The following KIAA1755 variants were observed in gnomAD, a reference collection of about 807,000 sequenced individuals.
KIAA1755 encodes KIAA1755.
Under a neutral mutation model 91.7 loss-of-function variants are expected in KIAA1755, and 68 were observed. That is an observed-to-expected ratio of 0.74 (90% CI 0.61 to 0.91). The LOEUF is 0.91. KIAA1755 is among the 40% of genes least tolerant of loss of function. The pLI is 0.00. For synonymous variants in KIAA1755, 610 were observed against 604.6 expected (o/e 1.01, Z -0.13); for missense variants, 1,535 against 1,494.4 (o/e 1.03, Z -0.45).
In KIAA1755 at chr20:38,241,819, G is replaced by T; in HGVS notation, c.312C>A (p.Asp104Glu). The T allele has an allele frequency of 6.2e-7, 1 of 1,614,188 alleles. No homozygotes were observed. The highest frequency in any genetic ancestry group is 8.5e-7 in the Non-Finnish European group (1 of 1,180,018). Residue 104 changes from aspartate to glutamate, a missense_variant, in exon 3 of 14, where the codon GAC becomes GAA. Physicochemically the swap from Asp to Glu is conservative, Grantham distance 45. Transcript: ENST00000279024. ...PLNPLLLRQG[D>E]FYLQVEPQEE... ...CCTGGGGCTCCACTTGGAGGTAGAA[G>T]TCACCCTGGCGCAATAAGAGAGGGT...
At chr20:38,225,634 G>T in intron 8 of KIAA1755, 31 bp downstream of exon 8, 1 of 1,330,448 alleles carries the variant, frequency 7.5e-7, no homozygotes, top group Non-Finnish European at 1.1e-6. Flanking sequence ...AGGAGTGGGG[G>T]TCAGGGGCTA....
At chr20:38,239,504 C>T (rs1375176992) in intron 4 of KIAA1755, 24 bp downstream of exon 4, 16 of 1,611,350 alleles carry the variant, frequency 9.9e-6, no homozygotes, top group Middle Eastern at 1.8e-4. Flanking sequence ...CTCCCTACCA[C>T]CTCCTGCTTG....
intron 9 of KIAA1755, 57 bp downstream of exon 9, chr20:38,223,481 G>T: frequency 1.6e-6 from 2 of 1,235,868 alleles, no homozygotes; most frequent in Non-Finnish European, 2.2e-6. Flanking sequence ...CGAAGCCCTT[G>T]GTCCATGGGG....
chr20:38,216,847 C>A (rs977967974), intron 13 of KIAA1755: 1 of 478,912 alleles, frequency 2.1e-6, no homozygotes, highest in Non-Finnish European at 4.1e-6. Flanking sequence ...TCCCAACAAC[C>A]CCTCATCCTC....
intron 4 of KIAA1755, 77 bp downstream of exon 4, chr20:38,239,451 T>A: frequency 7.4e-7 from 1 of 1,348,136 alleles, no homozygotes; most frequent in Non-Finnish European, 1.1e-6. Context: ...CTGCCTCCCC[T>A]CCACCCAACA....
chr20:38,212,965 A>G lies in KIAA1755; in HGVS notation c.*77T>C. On this transcript the variant is annotated 3_prime_UTR_variant, in exon 14 of 14. Coordinates refer to ENST00000279024, the MANE Select transcript of KIAA1755 (RefSeq NM_001029864.2). ...TGGTGACGTCTCACTGGGACTGACCAGAGCTCCCAGCTACCCCTCCAGCTG... is the reference window on the plus strand; with the variant it reads ...TGGTGACGTCTCACTGGGACTGACCGGAGCTCCCAGCTACCCCTCCAGCTG... 8.7e-7 allele frequency: 1 copy of G among 1,149,892 alleles called. No homozygotes were observed. Among genetic ancestry groups the G allele is most frequent in the Non-Finnish European group, 1.2e-6 (1 of 817,422 alleles). 71.2% of individuals were successfully genotyped at this position (1,149,892 alleles called of 1,614,324 possible).
At chr20:38,240,549 C>T (rs753626214) in intron 3 of KIAA1755, 33 bp downstream of exon 3, 27 of 1,451,594 alleles carry the variant, frequency 1.9e-5, no homozygotes, top group Middle Eastern at 1.8e-4. Flanking sequence ...AGACAATAAC[C>T]TCCTTGTACA....
chr20:38,219,779 G>A lies in KIAA1755; in HGVS notation c.2418-11C>T, dbSNP rs2075624516. The A allele has an allele frequency of 4.3e-6, 7 of 1,613,950 alleles. No homozygotes were observed. Among genetic ancestry groups the A allele is most frequent in the Middle Eastern group, 3.3e-4 (2 of 6,058 alleles). On this transcript the variant is annotated splice_polypyrimidine_tract_variant and intron_variant, in intron 10 of 13. Transcript: ENST00000279024. ...GCAGCCAGATGGCTCCTGGGAGGTGGGCGGAGGTGAGAAAAGGCCTCTGTT... is the reference window on the plus strand; with the variant it reads ...GCAGCCAGATGGCTCCTGGGAGGTGAGCGGAGGTGAGAAAAGGCCTCTGTT...
intron 9 of KIAA1755, 74 bp downstream of exon 9, chr20:38,223,464 C>G (rs1056649822): frequency 1.0e-6 from 1 of 994,098 alleles, no homozygotes; most frequent in East Asian, 3.1e-5. Flanking sequence ...CCAGGCCGTC[C>G]CCTTCTCGAA....
Position 38,260,735 on chromosome 20 carries a change from T to G in KIAA1755, c.-235A>C. ...CTGAGGCTGGAGACGGCGAGAGACA[T>G]AAGGGAGCCGCGGGCGGCGCGGGTC... On this transcript the variant is annotated 5_prime_UTR_variant, in exon 1 of 14. An upstream start codon of the reference 5' UTR is lost. Transcript: ENST00000279024. 2 of 352,946 alleles carry G rather than the reference T, an allele frequency of 5.7e-6. No individual in the cohort carries two copies. Among genetic ancestry groups the G allele is most frequent in the Non-Finnish European group, 9.5e-6 (2 of 209,554 alleles). 21.9% of individuals were successfully genotyped at this position (352,946 alleles called of 1,614,324 possible).
rs780148076 is a variant in KIAA1755 at position 38,246,131 on chromosome 20, G to C, written c.4-5C>G. The C allele has an allele frequency of 6.2e-7, 1 of 1,611,562 alleles. No homozygotes were observed. ...TGTGTCGAGGGATGGAGGGTCCTGTGGGGGACAGGAGGAGGGGGTGATAAT... is the reference window on the plus strand; with the variant it reads ...TGTGTCGAGGGATGGAGGGTCCTGTCGGGGACAGGAGGAGGGGGTGATAAT... On this transcript the variant is annotated splice_polypyrimidine_tract_variant and splice_region_variant and intron_variant, in intron 1 of 13. Coordinates refer to ENST00000279024, the MANE Select transcript of KIAA1755 (RefSeq NM_001029864.2).
chr20:38,251,213 C>A (rs975615517), intron 1 of KIAA1755, among the ~76,000 whole-genome samples: 1 of 152,114 alleles, frequency 6.6e-6, no homozygotes, highest in African/African-American at 2.4e-5. Context: ...GGGTCTTCTC[C>A]CTCTCTTTCT....
At chr20:38,219,139 T>C (rs931643196) in intron 11 of KIAA1755, among the ~76,000 whole-genome samples, 4 of 152,114 alleles carry the variant, frequency 2.6e-5, no homozygotes, top group Admixed American at 2.6e-4. Flanking sequence ...CAGGGCTGTC[T>C]GATGCAGGAG....
Position 38,240,572 on chromosome 20 carries a change from G to T in KIAA1755, c.1549+10C>A, listed in dbSNP as rs766186662. Reference sequence around the variant, plus strand: ...ACCTCCTTGTACAGCTGAGCATGTGGGCATCTTACCTTTCCCCAAAGATTT... The same window carrying T: ...ACCTCCTTGTACAGCTGAGCATGTGTGCATCTTACCTTTCCCCAAAGATTT... On this transcript the variant is annotated intron_variant, in intron 3 of 13. Transcript: ENST00000279024. 1 of 1,483,082 alleles carries T rather than the reference G, an allele frequency of 6.7e-7. No homozygotes were observed. The highest frequency in any genetic ancestry group is 9.0e-7 in the Non-Finnish European group (1 of 1,115,980). The allele number at this position is 1,483,082 out of a possible 1,614,324, so 91.9% of individuals were successfully genotyped here. A position where few individuals can be genotyped will look rare whatever the true frequency, so the allele number is the denominator to read the frequency against.
chr20:38,226,022 T>C (rs2075751128), intron 7 of KIAA1755, among the ~76,000 whole-genome samples: 1 of 152,242 alleles, frequency 6.6e-6, no homozygotes, highest in Non-Finnish European at 1.5e-5. Flanking sequence ...CTCTCCTAGC[T>C]TGTGCCCAAG....
chr20:38,214,243 G>A (rs1030829074), intron 13 of KIAA1755, among the ~76,000 whole-genome samples: 4 of 152,252 alleles, frequency 2.6e-5, no homozygotes, highest in East Asian at 1.9e-4. Context: ...GACCCACTGC[G>A]CCCAGCCCAT....
intron 1 of KIAA1755, among the ~76,000 whole-genome samples, chr20:38,259,709 C>T (rs1862714264): frequency 6.6e-6 from 1 of 151,738 alleles, no homozygotes; most frequent in Non-Finnish European, 1.5e-5. Context: ...GTGAATCTGC[C>T]TGGGGCTCTT....
chr20:38,226,947 T>C (rs1008087709), intron 7 of KIAA1755, among the ~76,000 whole-genome samples: 3 of 152,206 alleles, frequency 2.0e-5, no homozygotes, highest in Non-Finnish European at 4.4e-5. Context: ...GCCAGAGAGA[T>C]ATCACTCTGT....
chr20:38,232,103 G>T (rs1314544210), intron 4 of KIAA1755, among the ~76,000 whole-genome samples: 2 of 152,070 alleles, frequency 1.3e-5, no homozygotes, highest in African/African-American at 4.8e-5. Flanking sequence ...CACCTGTCTC[G>T]CAGCCTGGAC....
Sources: gnomAD v4.1 joint callset for allele counts (sites outside exome capture counted in the v4.1 genomes callset) on GRCh38, gnomAD v4.1.1 for gene constraint, MANE v1.5 for transcripts, NCBI Gene and HGNC (gene_info 2026-07-23, HGNC 2026-07-21) for gene names.